The following DMD variants were observed in gnomAD, a reference collection of about 807,000 sequenced individuals.
DMD encodes the protein dystrophin.
A neutral mutation model predicts 330.1 loss-of-function variants in DMD; 63 were observed. The observed-to-expected ratio is 0.19, with a 90% CI of 0.16 to 0.24. The LOEUF is 0.24. Among genes scored for constraint, DMD ranks in the 10% least tolerant of loss-of-function variants. The pLI is 1.00. For missense variants in DMD, 3,344 were observed against 2,684.1 expected (o/e 1.25, Z -5.43); for synonymous variants, 1,223 against 959.8 (o/e 1.27, Z -5.07).
chrX:31,169,728 C>A, intron 73 of DMD, 127 bp from the exon 74 acceptor site: 1 of 639,437 alleles, frequency 1.6e-6, no homozygotes, highest in Non-Finnish European at 2.5e-6. Flanking sequence ...GACCTTTTTT[C>A]CTGCTTCTAA....
At chrX:33,081,961 GTTTTTTT>G (rs766149450) in intron 1 of DMD, among the ~76,000 whole-genome samples, 1 of 98,957 alleles carries the variant, frequency 1.0e-5, no homozygotes, top group African/African-American at 3.6e-5. Flanking sequence ...GTGGAAAACA[GTTTTTTT>G]TTTTTTTCCC....
chrX:32,416,716 T>TG (rs996302387), intron 29 of DMD, among the ~76,000 whole-genome samples: 4 of 111,749 alleles, frequency 3.6e-5, no homozygotes, highest in African/African-American at 1.3e-4. Flanking sequence ...ATAGGAGTCC[T>TG]GCAAGAGATG....
At chrX:32,499,072 A>T (rs2043787143) in intron 19 of DMD, among the ~76,000 whole-genome samples, 1 of 112,055 alleles carries the variant, frequency 8.9e-6, no homozygotes, top group Admixed American at 9.5e-5. Context: ...CTGATGTACC[A>T]TTTCAGGTCA....
At chrX:31,195,702 AAAGG>A (rs927455680) in intron 67 of DMD, among the ~76,000 whole-genome samples, 3 of 107,267 alleles carry the variant, frequency 2.8e-5, no homozygotes, top group African/African-American at 1.0e-4. Context: ...TGGAAGGAAG[AAAGG>A]AAGGAAGGAG....
intron 55 of DMD, among the ~76,000 whole-genome samples, chrX:31,626,577 A>C (rs1727024556): frequency 9.0e-6 from 1 of 111,294 alleles, no homozygotes; most frequent in African/African-American, 3.3e-5. Context: ...AAGCAGGATG[A>C]TGAAGCAAGA....
intron 63 of DMD, among the ~76,000 whole-genome samples, chrX:31,234,980 G>A (rs2047576030): frequency 9.1e-6 from 1 of 110,111 alleles, no homozygotes; most frequent in Admixed American, 9.7e-5. Flanking sequence ...TGAAGACACA[G>A]GCCAGGGTGA....
rs752395206 is a variant in DMD at position 32,098,686 on chromosome X, T to A, written c.6438+118230A>T. 5.4e-5 allele frequency among the ~76,000 whole-genome samples: 6 copies of A among 112,014 alleles called. No homozygotes were observed. The East Asian group carries it at 1.7e-3, about 32-fold the overall frequency. On this transcript the variant is annotated intron_variant, in intron 44 of 78. Coordinates refer to ENST00000357033, the MANE Select transcript of DMD (RefSeq NM_004006.3). Reference sequence around the variant, plus strand: ...AAACAATATAATCATCTCAGTAAATTCAGTGCCATACCCATACTTTACCTT... The same window carrying A: ...AAACAATATAATCATCTCAGTAAATACAGTGCCATACCCATACTTTACCTT...
intron 74 of DMD, among the ~76,000 whole-genome samples, chrX:31,152,905 C>T (rs766473111): frequency 0.017 from 652 of 37,690 alleles, 5 homozygotes; most frequent in Middle Eastern, 0.036. Context: ...TATTTTGGAT[C>T]GTGATTTGGA....
At chrX:33,337,997 G>T (rs1403780987) in intron 1 of DMD, among the ~76,000 whole-genome samples, 1 of 112,017 alleles carries the variant, frequency 8.9e-6, no homozygotes, top group Non-Finnish European at 1.9e-5. Flanking sequence ...CTCAGGCTAT[G>T]GAGGAGACTG....
At chrX:32,843,982 A>G (rs1270572925) in intron 4 of DMD, among the ~76,000 whole-genome samples, 1 of 112,729 alleles carries the variant, frequency 8.9e-6, no homozygotes, top group Admixed American at 9.4e-5. Flanking sequence ...TGTATAATTT[A>G]TATGCTTGGA....
At chrX:31,582,263 A>C (rs993425867) in intron 55 of DMD, among the ~76,000 whole-genome samples, 4 of 111,516 alleles carry the variant, frequency 3.6e-5, no homozygotes, top group African/African-American at 1.3e-4. Flanking sequence ...TTCGTTGAGG[A>C]TGGGAAGTTG....
At chrX:32,783,174 CACACATATATACCATATATGTATACATAT>C (rs2148562811) in intron 7 of DMD, among the ~76,000 whole-genome samples, 1 of 93,754 alleles carries the variant, frequency 1.1e-5, no homozygotes, top group African/African-American at 3.7e-5. Flanking sequence ...ATGGCATATA[CACACATATATACCATATATGTATACATAT>C]ACACATATGT....
intron 44 of DMD, among the ~76,000 whole-genome samples, chrX:31,995,726 C>CT (rs201724233): frequency 0.078 from 8,706 of 111,202 alleles, 865 homozygotes; most frequent in African/African-American, 0.27. Context: ...AATGAGTTTT[C>CT]TTTTTTGTGA....
chrX:32,920,004 A>C (rs56982984), intron 2 of DMD, among the ~76,000 whole-genome samples: 5,605 of 111,256 alleles, frequency 0.05, 116 homozygotes, highest in Middle Eastern at 0.083. Flanking sequence ...TGCAAAAAGG[A>C]AGATTGAAAC....
chrX:33,242,328 T>C (rs57665915), intron 1 of DMD, among the ~76,000 whole-genome samples: 20,823 of 111,034 alleles, frequency 0.19, 3,059 homozygotes, highest in African/African-American at 0.51. Flanking sequence ...TCTTATAGCT[T>C]ATCTCCTACA....
intron 1 of DMD, among the ~76,000 whole-genome samples, chrX:33,084,461 T>C (rs2094975196): frequency 8.9e-6 from 1 of 111,957 alleles, no homozygotes; most frequent in Non-Finnish European, 1.9e-5. Context: ...TTTTTAAGGA[T>C]AACTTGGTGG....
chrX:32,631,791 A>G (rs1305330323), intron 11 of DMD, among the ~76,000 whole-genome samples: 2 of 111,406 alleles, frequency 1.8e-5, no homozygotes, highest in Non-Finnish European at 3.8e-5. Context: ...TTCATGAGAA[A>G]TTCAACGCCA....
intron 18 of DMD, among the ~76,000 whole-genome samples, chrX:32,503,637 C>T (rs746475489): frequency 1.3e-4 from 15 of 111,114 alleles, no homozygotes; most frequent in African/African-American, 3.6e-4. Context: ...CTCACTGCAA[C>T]CTCTGCCTCC....
intron 59 of DMD, among the ~76,000 whole-genome samples, chrX:31,457,126 C>T (rs1383388813): frequency 2.7e-5 from 3 of 109,692 alleles, no homozygotes; most frequent in African/African-American, 6.6e-5. Flanking sequence ...GCATGTTCCT[C>T]TGGACATGAA....
Sources: gnomAD v4.1 joint callset for allele counts (sites outside exome capture counted in the v4.1 genomes callset) on GRCh38, gnomAD v4.1.1 for gene constraint, MANE v1.5 for transcripts, NCBI Gene and HGNC (gene_info 2026-07-23, HGNC 2026-07-21) for gene names.